Variants in MAP2K4 observed in about 807,000 individuals in gnomAD.
MAP2K4 encodes the protein mitogen-activated protein kinase kinase 4.
In MAP2K4, 4 loss-of-function variants were observed where a neutral mutation model predicts 48.5. The ratio of observed to expected loss-of-function variants is 0.08; its 90% CI spans 0.04 to 0.19. The LOEUF (loss-of-function observed/expected upper bound fraction) is 0.19, where lower values mean the gene tolerates loss of function less well. Ranked by LOEUF, MAP2K4 falls within the 10% of genes least tolerant of loss-of-function variation. MAP2K4 has a pLI of 1.00. For synonymous variants in MAP2K4, 166 were observed against 173.1 expected (o/e 0.96, Z 0.32); for missense variants, 258 against 493.3 (o/e 0.52, Z 4.52).
intron 3 of MAP2K4, among the ~76,000 whole-genome samples, chr17:12,091,337 A>G (rs1971557283): frequency 6.6e-6 from 1 of 152,190 alleles, no homozygotes; most frequent in Non-Finnish European, 1.5e-5. Flanking sequence ...TTTCTATATG[A>G]TTGGGACTGT....
At chr17:12,071,911 A>G (rs1970823853) in intron 2 of MAP2K4, among the ~76,000 whole-genome samples, 1 of 152,204 alleles carries the variant, frequency 6.6e-6, no homozygotes, top group South Asian at 2.1e-4. Context: ...TTTGTAAACC[A>G]TAATAACAGT....
chr17:12,139,988 A>T (rs1973325275), intron 10 of MAP2K4, 104 bp downstream of exon 10: 2 of 649,450 alleles, frequency 3.1e-6, no homozygotes, highest in Non-Finnish European at 5.0e-6. Flanking sequence ...ATAAACAAAC[A>T]TCTCAAATTT....
chr17:12,051,139 C>G (rs1055602968), intron 1 of MAP2K4, among the ~76,000 whole-genome samples: 1 of 152,150 alleles, frequency 6.6e-6, no homozygotes, highest in African/African-American at 2.4e-5. Flanking sequence ...AGCTGCAATT[C>G]TAATTTTCCC....
In MAP2K4 at chr17:12,141,191, C is replaced by T. The variant is rs55924570; in HGVS notation, c.1131C>T (p.Val377=). ...ILMYEERAVE[V]ACYVCKILDQ... ...TGTATGAAGAACGTGCCGTTGAGGT[C>T]GCATGCTATGTTTGTAAAATCCTGG... Residue 377 remains valine (V), a synonymous_variant, in exon 11 of 11, where the codon GTC becomes GTT. Coordinates refer to ENST00000353533, the MANE Select transcript of MAP2K4 (RefSeq NM_003010.4). 60 of 1,613,662 alleles carry T rather than the reference C, an allele frequency of 3.7e-5. No homozygotes were observed. The highest frequency in any genetic ancestry group is 3.3e-4 in the Middle Eastern group (2 of 6,084).
At chr17:12,062,752 G>T (rs1970490049) in intron 2 of MAP2K4, among the ~76,000 whole-genome samples, 1 of 152,074 alleles carries the variant, frequency 6.6e-6, no homozygotes, top group Admixed American at 6.5e-5. Context: ...TATTTTCCAT[G>T]GTTACTTTAA....
At position 12,020,934 on chromosome 17, in the gene MAP2K4, C is replaced by T; in HGVS notation, c.48C>T (p.Ser16=). 2.5e-6 allele frequency: 3 copies of T among 1,217,546 alleles called. No individual in the cohort carries two copies. The highest frequency in any genetic ancestry group is 3.1e-6 in the Non-Finnish European group (3 of 979,014). The allele number at this position is 1,217,546 out of a possible 1,614,324, so 75.4% of individuals were successfully genotyped here. A position where few individuals can be genotyped will look rare whatever the true frequency, so the allele number is the denominator to read the frequency against. The change falls in exon 1 of 11, where the codon AGC becomes AGT. Residue 16 remains serine, a synonymous_variant. Transcript: ENST00000353533. The stretch of plus-strand genomic sequence containing the variant: ...GCGGCGGCGGCTCCGGGGGCGGCAG[C>T]GGCAGCGGCACCCCCGGCCCCGTAG... ...PSGGGGSGGG[S]GSGTPGPVGS...
At chr17:12,092,078 A>G (rs541374465) in intron 3 of MAP2K4, among the ~76,000 whole-genome samples, 1 of 152,252 alleles carries the variant, frequency 6.6e-6, no homozygotes, top group East Asian at 1.9e-4. Flanking sequence ...TAATATAAAA[A>G]ACTTAATGTT....
At chr17:12,112,183 G>A (rs1350484084) in intron 6 of MAP2K4, among the ~76,000 whole-genome samples, 1 of 152,178 alleles carries the variant, frequency 6.6e-6, no homozygotes, top group East Asian at 1.9e-4. Context: ...TATGGATGGG[G>A]CTGGGTGTGG....
chr17:12,136,044 A>C (rs1407166907), intron 9 of MAP2K4, among the ~76,000 whole-genome samples: 1 of 152,184 alleles, frequency 6.6e-6, no homozygotes, highest in East Asian at 1.9e-4. Context: ...AGAGAATTTA[A>C]TTTTAAGAAA....
chr17:12,097,694 A>C (rs1309824956), intron 4 of MAP2K4, among the ~76,000 whole-genome samples: 1 of 152,242 alleles, frequency 6.6e-6, no homozygotes, highest in Non-Finnish European at 1.5e-5. Context: ...TGGTGGTATT[A>C]TCTATCCCCT....
At chr17:12,075,122 A>T (rs1178015446) in intron 2 of MAP2K4, among the ~76,000 whole-genome samples, 1 of 152,228 alleles carries the variant, frequency 6.6e-6, no homozygotes, top group East Asian at 1.9e-4. Context: ...ATCTTGCAGG[A>T]TTCAAAATAG....
chr17:12,086,298 G>A (rs1191764070), intron 3 of MAP2K4, among the ~76,000 whole-genome samples: 1 of 152,074 alleles, frequency 6.6e-6, no homozygotes, highest in African/African-American at 2.4e-5. Context: ...TCCTAATATT[G>A]CTTAAAAGCT....
At chr17:12,067,214 T>G (rs1970644766) in intron 2 of MAP2K4, among the ~76,000 whole-genome samples, 1 of 152,252 alleles carries the variant, frequency 6.6e-6, no homozygotes, top group African/African-American at 2.4e-5. Flanking sequence ...TTTAGATTAT[T>G]TTCATTGTTG....
At chr17:12,058,595 A>G (rs1378086762) in intron 2 of MAP2K4, among the ~76,000 whole-genome samples, 1 of 152,226 alleles carries the variant, frequency 6.6e-6, no homozygotes. Context: ...TGGTAGATGA[A>G]TCTGTCTTTA....
intron 5 of MAP2K4, among the ~76,000 whole-genome samples, chr17:12,109,800 A>G (rs112113943): frequency 2.6e-5 from 4 of 152,248 alleles, no homozygotes; most frequent in Non-Finnish European, 2.9e-5. Context: ...AATGGAACCA[A>G]CTCAGTGATC....
intron 3 of MAP2K4, among the ~76,000 whole-genome samples, chr17:12,088,491 A>G (rs1388649110): frequency 6.6e-5 from 8 of 120,386 alleles, no homozygotes; most frequent in African/African-American, 1.1e-4. Flanking sequence ...TAAATATACA[A>G]TATTTAATAT....
chr17:12,089,764 T>G (rs1403187245), intron 3 of MAP2K4, among the ~76,000 whole-genome samples: 1 of 152,252 alleles, frequency 6.6e-6, no homozygotes, highest in Non-Finnish European at 1.5e-5. Context: ...CTGCCAGGAC[T>G]GATGGTCATG....
At chr17:12,140,561 GA>G (rs1268008416) in intron 10 of MAP2K4, among the ~76,000 whole-genome samples, 1 of 152,162 alleles carries the variant, frequency 6.6e-6, no homozygotes, top group East Asian at 1.9e-4. Flanking sequence ...TAGTGAAGCA[GA>G]TACTGGGACC....
rs1598007405 is a variant in MAP2K4, at chr17:12,021,861, C to T, written c.115+860C>T. 2.0e-5 allele frequency among the ~76,000 whole-genome samples: 3 copies of T among 152,032 alleles called. No individual in the cohort carries two copies. In the South Asian group the frequency reaches 6.2e-4, roughly 31 times the overall value. ...GGCAGCTCTGCTAATTAATGACTTT[C>T]CCCACTGGGAATGCTTATTAGCTGT... On this transcript the variant is annotated intron_variant, in intron 1 of 10. Coordinates refer to ENST00000353533, the MANE Select transcript of MAP2K4 (RefSeq NM_003010.4).
Sources: gnomAD v4.1 joint callset for allele counts (sites outside exome capture counted in the v4.1 genomes callset) on GRCh38, gnomAD v4.1.1 for gene constraint, MANE v1.5 for transcripts, NCBI Gene and HGNC (gene_info 2026-07-23, HGNC 2026-07-21) for gene names.